Variants in GAS2 observed in about 807,000 individuals in gnomAD.
The protein encoded by GAS2 is growth arrest specific 2.
Under a neutral mutation model 37.5 loss-of-function variants are expected in GAS2, and 20 were observed. That is an observed-to-expected ratio of 0.53 (90% confidence interval 0.37 to 0.77). The LOEUF is 0.77. GAS2 is among the 30% of genes least tolerant of loss of function. The pLI is 0.00. For missense variants in GAS2, 336 were observed against 373.4 expected (o/e 0.90, Z 0.82); for synonymous variants, 144 against 132.2 (o/e 1.09, Z -0.61).
chr11:22,770,925 G>A (rs1160778101), intron 7 of GAS2, among the ~76,000 whole-genome samples: 1 of 152,130 alleles, frequency 6.6e-6, no homozygotes, highest in Non-Finnish European at 1.5e-5. Flanking sequence ...TCTTGTTTCA[G>A]TAGGGTCTTC....
At chr11:22,724,561 G>C (rs1481546073) in intron 3 of GAS2, among the ~76,000 whole-genome samples, 2 of 151,910 alleles carry the variant, frequency 1.3e-5, no homozygotes, top group African/African-American at 4.8e-5. Context: ...ATTTCTGATT[G>C]TTTTTGTAAG....
At chr11:22,706,415 C>T (rs1274546713) in intron 3 of GAS2, among the ~76,000 whole-genome samples, 12 of 151,696 alleles carry the variant, frequency 7.9e-5, no homozygotes, top group African/African-American at 9.7e-5. Context: ...ACATGTGCCA[C>T]GCTGGTGCAC....
At chr11:22,773,533 G>A (rs1855098749) in intron 7 of GAS2, among the ~76,000 whole-genome samples, 1 of 151,158 alleles carries the variant, frequency 6.6e-6, no homozygotes, top group Non-Finnish European at 1.5e-5. Context: ...AGGTGGGACT[G>A]CAGGCGCCCG....
At chr11:22,721,230 G>C (rs112909772) in intron 3 of GAS2, among the ~76,000 whole-genome samples, 1 of 152,100 alleles carries the variant, frequency 6.6e-6, no homozygotes, top group African/African-American at 2.4e-5. Flanking sequence ...ATAACTTTCA[G>C]AAAACAGTAA....
chr11:22,731,300 T>A (rs1193831047), intron 4 of GAS2: 4 of 437,746 alleles, frequency 9.1e-6, no homozygotes, highest in East Asian at 1.5e-4. Context: ...TATAATTGTG[T>A]CAATATCATT....
chr11:22,706,696 G>A (rs1355242370), intron 3 of GAS2, among the ~76,000 whole-genome samples: 1 of 152,086 alleles, frequency 6.6e-6, no homozygotes, highest in Non-Finnish European at 1.5e-5. Flanking sequence ...AGTATTCCAT[G>A]GTGCATATGT....
At chr11:22,709,431 T>C (rs1210317696) in intron 3 of GAS2, among the ~76,000 whole-genome samples, 1 of 152,214 alleles carries the variant, frequency 6.6e-6, no homozygotes, top group Non-Finnish European at 1.5e-5. Context: ...GATAAGCTAT[T>C]ATCTAGGATT....
chr11:22,690,516 A>G (rs1446561534), intron 3 of GAS2, among the ~76,000 whole-genome samples: 1 of 152,168 alleles, frequency 6.6e-6, no homozygotes, highest in Non-Finnish European at 1.5e-5. Flanking sequence ...AGATGGGTGG[A>G]AGCATTTGAG....
intron 7 of GAS2, among the ~76,000 whole-genome samples, chr11:22,758,424 C>T (rs1854169642): frequency 6.6e-6 from 1 of 152,186 alleles, no homozygotes; most frequent in African/African-American, 2.4e-5. Flanking sequence ...CATACAATGA[C>T]ACATACATTG....
intron 2 of GAS2, among the ~76,000 whole-genome samples, chr11:22,680,473 A>T (rs899925991): frequency 1.3e-5 from 2 of 152,164 alleles, no homozygotes; most frequent in African/African-American, 4.8e-5. Flanking sequence ...AGAGCATATG[A>T]ACCACTTTGA....
chr11:22,801,269 C>T (rs1341618757), intron 7 of GAS2, among the ~76,000 whole-genome samples: 2 of 152,040 alleles, frequency 1.3e-5, no homozygotes, highest in African/African-American at 4.8e-5. Flanking sequence ...CTTGATACTG[C>T]AGTGACCTCC....
At chr11:22,801,889 C>T (rs1271544836) in intron 7 of GAS2, among the ~76,000 whole-genome samples, 1 of 152,020 alleles carries the variant, frequency 6.6e-6, no homozygotes, top group Non-Finnish European at 1.5e-5. Context: ...CTCTTACTGT[C>T]ACATATGAAG....
intron 7 of GAS2, among the ~76,000 whole-genome samples, chr11:22,774,154 C>T (rs190413694): frequency 1.3e-5 from 2 of 152,166 alleles, no homozygotes; most frequent in East Asian, 1.9e-4. Context: ...CCACCACACC[C>T]GGCTAATTTT....
intron 7 of GAS2, among the ~76,000 whole-genome samples, chr11:22,789,441 T>TATATAA (rs1181296973): frequency 9.8e-5 from 10 of 101,536 alleles, no homozygotes; most frequent in Admixed American, 5.5e-4. Flanking sequence ...TATATATATA[T>TATATAA]ATATATATAT....
upstream of GAS2, among the ~76,000 whole-genome samples, chr11:22,665,948 T>C (rs970123947): frequency 1.3e-5 from 2 of 152,180 alleles, no homozygotes; most frequent in African/African-American, 2.4e-5. Flanking sequence ...CTGATGAACA[T>C]GAGAACAAAA....
chr11:22,713,109 C>CA (rs1345818389), intron 3 of GAS2, among the ~76,000 whole-genome samples: 1 of 145,026 alleles, frequency 6.9e-6, no homozygotes, highest in Admixed American at 6.8e-5. Context: ...AAAAGAAATA[C>CA]AAAAAACATA....
chr11:22,782,526 T>C (rs916977393), intron 7 of GAS2, among the ~76,000 whole-genome samples: 23 of 152,050 alleles, frequency 1.5e-4, no homozygotes, highest in Admixed American at 5.2e-4. Flanking sequence ...GTAAGCATAG[T>C]ATCCAACAGG....
chr11:22,756,554 ACT>A (rs1337175589), intron 7 of GAS2, among the ~76,000 whole-genome samples: 2 of 151,974 alleles, frequency 1.3e-5, no homozygotes, highest in Non-Finnish European at 2.9e-5. Flanking sequence ...ATCTGCAATG[ACT>A]CTGTTGAAAT....
At chr11:22,679,182 A>G (rs1849564847) in intron 2 of GAS2, among the ~76,000 whole-genome samples, 1 of 152,094 alleles carries the variant, frequency 6.6e-6, no homozygotes, top group South Asian at 2.1e-4. Context: ...AGGTTTTTGA[A>G]TAATGGCTGG....
Sources: gnomAD v4.1 joint callset for allele counts (sites outside exome capture counted in the v4.1 genomes callset) on GRCh38, gnomAD v4.1.1 for gene constraint, MANE v1.5 for transcripts, NCBI Gene and HGNC (gene_info 2026-07-23, HGNC 2026-07-21) for gene names.